Variants in ANKS1B observed in about 807,000 individuals in gnomAD.
ANKS1B encodes the protein ankyrin repeat and sterile alpha motif domain-containing protein 1B.
A neutral mutation model predicts 148.3 loss-of-function variants in ANKS1B; 36 were observed. The ratio of observed to expected loss-of-function variants is 0.24; its 90% CI spans 0.19 to 0.32. ANKS1B has a LOEUF of 0.32. Ranked by LOEUF, ANKS1B falls within the 10% of genes least tolerant of loss-of-function variation. The pLI, the probability that ANKS1B is intolerant of heterozygous loss-of-function variation, is 1.00. For synonymous variants in ANKS1B, 542 were observed against 560.8 expected (o/e 0.97, Z 0.47); for missense variants, 1,157 against 1,542.6 (o/e 0.75, Z 4.19).
chr12:99,529,022 TG>T (rs1228231513), intron 9 of ANKS1B, among the ~76,000 whole-genome samples: 1 of 152,202 alleles, frequency 6.6e-6, no homozygotes, highest in East Asian at 1.9e-4. Context: ...CAAATACAAA[TG>T]AGCTTTGATT....
At chr12:98,887,337 T>C (rs2099742356) in intron 17 of ANKS1B, among the ~76,000 whole-genome samples, 1 of 152,198 alleles carries the variant, frequency 6.6e-6, no homozygotes, top group Admixed American at 6.5e-5. Flanking sequence ...ATTTGCGTTT[T>C]CCCATGCCCT....
chr12:99,931,678 G>C (rs1266384916), intron 1 of ANKS1B, among the ~76,000 whole-genome samples: 3 of 152,004 alleles, frequency 2.0e-5, no homozygotes, highest in Admixed American at 2.0e-4. Flanking sequence ...TGTATTTATG[G>C]GGTACATGAG....
chr12:98,994,534 G>T (rs528897013), intron 17 of ANKS1B, among the ~76,000 whole-genome samples: 1 of 152,180 alleles, frequency 6.6e-6, no homozygotes, highest in African/African-American at 2.4e-5. Context: ...GGAGAGAATC[G>T]CTTGAACCCA....
intron 12 of ANKS1B, among the ~76,000 whole-genome samples, chr12:99,291,451 A>C (rs1201934982): frequency 6.6e-6 from 1 of 152,222 alleles, no homozygotes; most frequent in African/African-American, 2.4e-5. Flanking sequence ...ACAGAGCAAA[A>C]CAAACAAAAC....
intron 17 of ANKS1B, among the ~76,000 whole-genome samples, chr12:98,914,343 CAG>C (rs2099791096): frequency 6.6e-6 from 1 of 152,094 alleles, no homozygotes; most frequent in Admixed American, 6.5e-5. Flanking sequence ...AACCATGAGC[CAG>C]ACAAACCTCT....
At chr12:99,060,171 T>G (rs2041910523) in intron 16 of ANKS1B, among the ~76,000 whole-genome samples, 1 of 150,288 alleles carries the variant, frequency 6.7e-6, no homozygotes, top group South Asian at 2.1e-4. Flanking sequence ...GAAGCTTTAG[T>G]CTTGGGAAAA....
chr12:99,731,413 C>CCTGTGTGTGTGTGTGTGTGTGT (rs1237223581), intron 8 of ANKS1B, among the ~76,000 whole-genome samples: 2 of 143,726 alleles, frequency 1.4e-5, no homozygotes, highest in African/African-American at 5.2e-5. Context: ...ACCACCGTGC[C>CCTGTGTGTGTGTGTGTGTGTGT]GTGTGTGTGT....
At chr12:99,487,887 T>C (rs1477448001) in intron 10 of ANKS1B, among the ~76,000 whole-genome samples, 2 of 152,150 alleles carry the variant, frequency 1.3e-5, no homozygotes, top group African/African-American at 4.8e-5. Flanking sequence ...TATTTCTTCA[T>C]TTGTCAATAT....
intron 17 of ANKS1B, among the ~76,000 whole-genome samples, chr12:98,916,921 G>A (rs1308673430): frequency 6.6e-6 from 1 of 151,592 alleles, no homozygotes; most frequent in Non-Finnish European, 1.5e-5. Flanking sequence ...ATTAGCAAAT[G>A]CTAATTTACT....
intron 12 of ANKS1B, among the ~76,000 whole-genome samples, chr12:99,264,817 G>A (rs539544614): frequency 1.6e-4 from 25 of 152,230 alleles, no homozygotes; most frequent in African/African-American, 5.8e-4. Flanking sequence ...GAGAAGAAAG[G>A]AAAAGCTTAG....
chr12:99,456,625 C>T (rs957745972), intron 10 of ANKS1B, among the ~76,000 whole-genome samples: 2 of 152,026 alleles, frequency 1.3e-5, no homozygotes, highest in Non-Finnish European at 2.9e-5. Flanking sequence ...TTACAAAATG[C>T]ACTGGGAAGT....
intron 12 of ANKS1B, among the ~76,000 whole-genome samples, chr12:99,329,231 T>C (rs1603019322): frequency 6.6e-6 from 1 of 152,082 alleles, no homozygotes; most frequent in East Asian, 1.9e-4. Context: ...TTCTTATTTT[T>C]CATTTAACAT....
chr12:99,939,801 T>C (rs544342627), intron 1 of ANKS1B, among the ~76,000 whole-genome samples: 4 of 152,296 alleles, frequency 2.6e-5, no homozygotes, highest in African/African-American at 7.2e-5. Flanking sequence ...TAAGACATAA[T>C]CCTAGAGTAA....
chr12:99,294,540 G>A (rs939290137), intron 12 of ANKS1B, among the ~76,000 whole-genome samples: 13 of 152,110 alleles, frequency 8.5e-5, no homozygotes, highest in African/African-American at 2.9e-4. Flanking sequence ...AGAGTAGTGG[G>A]GGCAGGAGGA....
chr12:99,550,042 C>G (rs865776685), intron 9 of ANKS1B, among the ~76,000 whole-genome samples: 48 of 152,192 alleles, frequency 3.2e-4, no homozygotes, highest in Non-Finnish European at 1.9e-4. Context: ...GTCTTTTGTC[C>G]AATAAACCTG....
At chr12:99,461,477 A>T (rs1211887178) in intron 10 of ANKS1B, among the ~76,000 whole-genome samples, 1 of 152,182 alleles carries the variant, frequency 6.6e-6, no homozygotes, top group Non-Finnish European at 1.5e-5. Context: ...TGAATAAAAT[A>T]TCACAGTAGT....
At chr12:98,883,127 C>A (rs2099718078) in intron 17 of ANKS1B, among the ~76,000 whole-genome samples, 1 of 152,144 alleles carries the variant, frequency 6.6e-6, no homozygotes, top group Admixed American at 6.5e-5. Flanking sequence ...AATTAGTTCA[C>A]TGCAAGGGAT....
At chr12:99,797,690 A>C (rs1357505889) in intron 4 of ANKS1B, among the ~76,000 whole-genome samples, 1 of 151,974 alleles carries the variant, frequency 6.6e-6, no homozygotes, top group Non-Finnish European at 1.5e-5. Flanking sequence ...ACCTCTGAAC[A>C]CAGTGATGAA....
chr12:99,806,540 T>G lies in ANKS1B; in HGVS notation c.533A>C (p.Lys178Thr), dbSNP rs1289850342. 5 of 1,613,922 alleles carry G rather than the reference T, an allele frequency of 3.1e-6. No individual in the cohort carries two copies. Among genetic ancestry groups the G allele is most frequent in the Non-Finnish European group, 4.2e-6 (5 of 1,179,866 alleles). ...AALYGRLRVV[K>T]MIISAHPNLM... ...GTTAGGATGTGCACTGATGATCATT[T>G]TTACCACTCTAAGCCGTCCGTAGAG... Residue 178 changes from lysine (K) to threonine (T), a missense_variant, in exon 4 of 27, where the codon AAA becomes ACA. Physicochemically the swap from Lys to Thr is moderately conservative, Grantham distance 78. This residue lies in a region of ANKS1B where 164 missense variants were observed against 232.6 expected (regional missense o/e 0.71). Coordinates refer to ENST00000683438, the MANE Select transcript of ANKS1B (RefSeq NM_001352186.2).
Sources: allele counts gnomAD v4.1 joint callset (sites outside exome capture counted in the v4.1 genomes callset), GRCh38; gene constraint gnomAD v4.1.1; regional missense constraint gnomAD v4.1.1; transcripts MANE v1.5; gene names NCBI Gene and HGNC (gene_info 2026-07-23, HGNC 2026-07-21).